The following DCLK1 variants were observed in gnomAD, a reference collection of about 807,000 sequenced individuals.
DCLK1 encodes the protein serine/threonine-protein kinase DCLK1.
Under a neutral mutation model 86.2 loss-of-function variants are expected in DCLK1, and 16 were observed. The ratio of observed to expected loss-of-function variants is 0.19; its 90% CI spans 0.13 to 0.28. DCLK1 has a LOEUF of 0.28. DCLK1 is among the 10% of genes least tolerant of loss of function. The probability of loss-of-function intolerance (pLI) is 1.00; values close to 1 mark genes in which losing one functional copy is unlikely to be tolerated. For missense variants in DCLK1, 590 were observed against 940.2 expected (o/e 0.63, Z 4.87); for synonymous variants, 369 against 370.5 (o/e 1.00, Z 0.05).
intron 4 of DCLK1, among the ~76,000 whole-genome samples, chr13:35,873,224 G>C (rs550160891): frequency 6.6e-6 from 1 of 152,092 alleles, no homozygotes; most frequent in Non-Finnish European, 1.5e-5. Context: ...CTTGAATCTG[G>C]AAGGCAGAGG....
At chr13:35,987,698 A>G (rs1216788727) in intron 3 of DCLK1, among the ~76,000 whole-genome samples, 1 of 152,150 alleles carries the variant, frequency 6.6e-6, no homozygotes, top group Non-Finnish European at 1.5e-5. Flanking sequence ...GGAGGCTGAG[A>G]GAAGACACCT....
At chr13:36,067,678 G>C (rs1403288848) in intron 3 of DCLK1, among the ~76,000 whole-genome samples, 2 of 151,856 alleles carry the variant, frequency 1.3e-5, no homozygotes, top group Non-Finnish European at 2.9e-5. Flanking sequence ...TGGGTAGAGT[G>C]GATCTTGGTG....
chr13:35,958,220 C>T, intron 3 of DCLK1, among the ~76,000 whole-genome samples: 1 of 138,206 alleles, frequency 7.2e-6, no homozygotes, highest in African/African-American at 3.0e-5. Context: ...CCATCACCAC[C>T]ACCACTATAA....
intron 3 of DCLK1, among the ~76,000 whole-genome samples, chr13:35,957,515 T>C (rs1878056725): frequency 6.6e-6 from 1 of 152,178 alleles, no homozygotes; most frequent in Non-Finnish European, 1.5e-5. Context: ...AAGGACTCTT[T>C]GGTAAAATCA....
intron 3 of DCLK1, among the ~76,000 whole-genome samples, chr13:35,987,214 G>A (rs772921546): frequency 6.6e-6 from 1 of 152,070 alleles, no homozygotes; most frequent in Non-Finnish European, 1.5e-5. Context: ...TTGAGCTCAG[G>A]AGTTGAAGGC....
chr13:36,078,786 G>A (rs1454210283), intron 3 of DCLK1, among the ~76,000 whole-genome samples: 1 of 152,090 alleles, frequency 6.6e-6, no homozygotes, highest in Non-Finnish European at 1.5e-5. Context: ...TTAAAAGGTT[G>A]TCACTTTACA....
rs1682777760 is a variant in DCLK1 at position 35,828,113 on chromosome 13, A to G, written c.1287+137T>C. ...ATCCCAGGGATATACATAAAGTTAT[A>G]TTCTAGTAAGTGTATAACATTCTAT... On this transcript the variant is annotated intron_variant, in intron 9 of 16. Transcript: ENST00000360631. 5.9e-6 allele frequency: 4 copies of G among 682,856 alleles called. No homozygotes were observed. In the South Asian group the frequency reaches 6.0e-5, roughly 10 times the overall value. The allele number at this position is 682,856 out of a possible 1,614,324, so 42.3% of individuals were successfully genotyped here.
intron 11 of DCLK1, among the ~76,000 whole-genome samples, chr13:35,812,168 G>A (rs1311720395): frequency 1.3e-5 from 2 of 152,148 alleles, no homozygotes; most frequent in African/African-American, 2.4e-5. Context: ...AAAACAAATG[G>A]AGCTGCTCTA....
chr13:36,083,432 C>T (rs1366998506), intron 3 of DCLK1, among the ~76,000 whole-genome samples: 1 of 152,220 alleles, frequency 6.6e-6, no homozygotes, highest in South Asian at 2.1e-4. Context: ...GCCTGTCGAA[C>T]AAATGGGATG....
intron 15 of DCLK1, among the ~76,000 whole-genome samples, chr13:35,802,078 C>G (rs982085442): frequency 2.6e-5 from 4 of 152,180 alleles, no homozygotes; most frequent in Non-Finnish European, 5.9e-5. Flanking sequence ...TACCCTGGAA[C>G]TGTCTGGTTG....
Position 35,949,458 on chromosome 13 carries a change from C to T in DCLK1, c.724-2001G>A, listed in dbSNP as rs570825985. Among the ~76,000 whole-genome samples, 9 of 152,286 alleles carry T rather than the reference C, an allele frequency of 5.9e-5. No homozygotes were observed. The South Asian group carries it at 8.3e-4, about 14-fold the overall frequency. On this transcript the variant is annotated intron_variant, in intron 3 of 16. Coordinates refer to ENST00000360631, the MANE Select transcript of DCLK1 (RefSeq NM_001330071.2). ...AACAGTTATCCACTCTGCTCCTAGG[C>T]GGCCATGCTTCTGCAGCTGATAAAT...
intron 3 of DCLK1, among the ~76,000 whole-genome samples, chr13:36,069,464 G>T (rs7323428): frequency 0.26 from 39,983 of 151,986 alleles, 5,612 homozygotes; most frequent in East Asian, 0.51. Context: ...TCACCCTGAG[G>T]CTCCACATAT....
chr13:35,884,212 A>G (rs1278196709), intron 4 of DCLK1, among the ~76,000 whole-genome samples: 2 of 152,184 alleles, frequency 1.3e-5, no homozygotes, highest in Non-Finnish European at 2.9e-5. Flanking sequence ...GAAAAAAAAA[A>G]GACTAAACTA....
Position 36,126,152 on chromosome 13 carries a change from A to G in DCLK1, c.-15T>C, listed in dbSNP as rs760140741. On this transcript the variant is annotated 5_prime_UTR_variant, in exon 2 of 17. Coordinates refer to ENST00000360631, the MANE Select transcript of DCLK1 (RefSeq NM_001330071.2). Reference sequence around the variant, plus strand: ...CCGAAGGACATGATGGACTTCAAGTAGGACCTACGAGCCCCAGAAACAAAA... The same window carrying G: ...CCGAAGGACATGATGGACTTCAAGTGGGACCTACGAGCCCCAGAAACAAAA... 10 of 1,557,678 alleles carry G rather than the reference A, an allele frequency of 6.4e-6. No individual in the cohort carries two copies. Among genetic ancestry groups the G allele is most frequent in the Non-Finnish European group, 8.7e-6 (10 of 1,155,478 alleles).
intron 11 of DCLK1, among the ~76,000 whole-genome samples, chr13:35,812,618 C>T (rs573888323): frequency 1.3e-5 from 2 of 152,336 alleles, no homozygotes; most frequent in East Asian, 3.9e-4. Context: ...CACCTGGATC[C>T]AACAGTTTTG....
intron 3 of DCLK1, among the ~76,000 whole-genome samples, chr13:36,083,354 C>T (rs1323115848): frequency 6.6e-6 from 1 of 152,326 alleles, no homozygotes; most frequent in South Asian, 2.1e-4. Context: ...TCTGAAACTT[C>T]TCTTTCATCT....
intron 4 of DCLK1, among the ~76,000 whole-genome samples, chr13:35,929,768 T>A (rs1876321331): frequency 6.6e-6 from 1 of 152,184 alleles, no homozygotes; most frequent in Admixed American, 6.5e-5. Flanking sequence ...TCCTTTCATA[T>A]CTGTTTTAGG....
intron 4 of DCLK1, among the ~76,000 whole-genome samples, chr13:35,913,583 C>T (rs563658803): frequency 1.3e-5 from 2 of 152,272 alleles, no homozygotes; most frequent in African/African-American, 4.8e-5. Context: ...TGCATATACC[C>T]TTGGCTATCA....
At chr13:35,853,218 C>A (rs965773764) in intron 6 of DCLK1, among the ~76,000 whole-genome samples, 5 of 152,136 alleles carry the variant, frequency 3.3e-5, no homozygotes, top group African/African-American at 1.2e-4. Flanking sequence ...TGAAAACACT[C>A]AAATGGAGGT....
Sources: allele counts gnomAD v4.1 joint callset (sites outside exome capture counted in the v4.1 genomes callset), GRCh38; gene constraint gnomAD v4.1.1; transcripts MANE v1.5; gene names NCBI Gene and HGNC (gene_info 2026-07-23, HGNC 2026-07-21).